The following SLC44A1 variants were observed in gnomAD, a reference collection of about 807,000 sequenced individuals.
SLC44A1 encodes the protein solute carrier family 44 member 1, also known as choline transporter-like protein 1.
Under a neutral mutation model 79.3 loss-of-function variants are expected in SLC44A1, and 26 were observed. That is an observed-to-expected ratio of 0.33 (90% confidence interval 0.24 to 0.46). The LOEUF is 0.46. SLC44A1 is among the 20% of genes least tolerant of loss of function. SLC44A1 has a pLI of 1.00. For synonymous variants in SLC44A1, 263 were observed against 286.2 expected (o/e 0.92, Z 0.82); for missense variants, 688 against 798.1 (o/e 0.86, Z 1.66).
chr9:105,259,464 A>T (rs1829791819), intron 1 of SLC44A1, among the ~76,000 whole-genome samples: 1 of 152,208 alleles, frequency 6.6e-6, no homozygotes, highest in Non-Finnish European at 1.5e-5. Context: ...AGCACAAATG[A>T]TTAGTGTGCA....
chr9:105,365,990 A>G (rs1411488946), intron 11 of SLC44A1, among the ~76,000 whole-genome samples: 1 of 152,126 alleles, frequency 6.6e-6, no homozygotes, highest in African/African-American at 2.4e-5. Flanking sequence ...GATTCCTCCC[A>G]TCTCCCAAAC....
intron 1 of SLC44A1, among the ~76,000 whole-genome samples, chr9:105,292,544 C>G (rs1046649400): frequency 6.6e-6 from 1 of 152,020 alleles, no homozygotes; most frequent in African/African-American, 2.4e-5. Context: ...CAATATTTCC[C>G]CATGATAACA....
At chr9:105,359,511 A>C (rs941206006) in intron 7 of SLC44A1, among the ~76,000 whole-genome samples, 9 of 152,230 alleles carry the variant, frequency 5.9e-5, no homozygotes, top group African/African-American at 2.2e-4. Context: ...GAATAGTGTT[A>C]TAATGATTAA....
In SLC44A1 at chr9:105,362,844, G is replaced by C; in HGVS notation, c.924G>C (p.Leu308Phe). The C allele has an allele frequency of 6.2e-7, 1 of 1,606,690 alleles. No individual in the cohort carries two copies. Among genetic ancestry groups the C allele is most frequent in the South Asian group, 1.1e-5 (1 of 89,232 alleles). Residue 308 changes from leucine (L) to phenylalanine (F), a missense_variant, in exon 9 of 16, where the codon TTG becomes TTC. Transcript: ENST00000374720. ...AGGTGATCTTATTCCTGATAATGTT[G>C]GTTATGCGCAAACGTGTTGCTCTTA... ...VFTVILFLIM[L>F]VMRKRVALTI...
intron 1 of SLC44A1, among the ~76,000 whole-genome samples, chr9:105,252,285 C>T (rs1210895493): frequency 4.6e-5 from 7 of 152,094 alleles, no homozygotes; most frequent in South Asian, 2.1e-4. Flanking sequence ...AGAGAGGGGC[C>T]GTGTTTGCTT....
chr9:105,310,148 T>C (rs1831139836), intron 3 of SLC44A1, among the ~76,000 whole-genome samples: 1 of 151,090 alleles, frequency 6.6e-6, no homozygotes, highest in Non-Finnish European at 1.5e-5. Context: ...ATTCTTTTAC[T>C]CTTTTTTTTT....
intron 5 of SLC44A1, among the ~76,000 whole-genome samples, chr9:105,354,101 A>C (rs1262695819): frequency 1.8e-5 from 2 of 114,198 alleles, no homozygotes; most frequent in African/African-American, 7.1e-5. Context: ...CCCAGGCTGG[A>C]GTGCAGTGGC....
At chr9:105,273,053 G>T (rs548776922) in intron 1 of SLC44A1, among the ~76,000 whole-genome samples, 1 of 151,420 alleles carries the variant, frequency 6.6e-6, no homozygotes, top group Admixed American at 6.6e-5. Context: ...ATGTAGTGGC[G>T]CGATCTTGGC....
intron 1 of SLC44A1, among the ~76,000 whole-genome samples, chr9:105,252,201 G>C (rs1449484290): frequency 1.3e-5 from 2 of 152,328 alleles, no homozygotes; most frequent in East Asian, 3.9e-4. Context: ...CTTATGGCCT[G>C]CAAGCATAAA....
Position 105,351,550 on chromosome 9 carries a change from A to AAGAAAGAGAGAAAGAGAGAAAGAG in SLC44A1, c.500+3125_500+3148dup, listed in dbSNP as rs56381786. ...CCTGTCTGAAAGAAAGAAAGAAAGA[A>AAGAAAGAGAGAAAGAGAGAAAGAG]AGAAAGAGAGAAAGAGAGAAAGAGA... On this transcript the variant is annotated intron_variant, in intron 5 of 15. Coordinates refer to ENST00000374720, the MANE Select transcript of SLC44A1 (RefSeq NM_080546.5). Among the ~76,000 whole-genome samples the AAGAAAGAGAGAAAGAGAGAAAGAG allele has an allele frequency of 1.3e-3, 132 of 100,286 alleles. 5 individuals are homozygous for AAGAAAGAGAGAAAGAGAGAAAGAG. Among genetic ancestry groups the AAGAAAGAGAGAAAGAGAGAAAGAG allele is most frequent in the South Asian group, 5.8e-3 (16 of 2,740 alleles). 65.8% of individuals were successfully genotyped at this position (100,286 alleles called of 152,430 possible). A position where few individuals can be genotyped will look rare whatever the true frequency, so the allele number is the denominator to read the frequency against.
chr9:105,275,024 A>C (rs944879330), intron 1 of SLC44A1, among the ~76,000 whole-genome samples: 5 of 152,164 alleles, frequency 3.3e-5, no homozygotes, highest in African/African-American at 1.2e-4. Context: ...TGAAGTTTAA[A>C]TTCTTAACAA....
At chr9:105,260,016 A>G (rs1436351283) in intron 1 of SLC44A1, among the ~76,000 whole-genome samples, 3 of 152,226 alleles carry the variant, frequency 2.0e-5, no homozygotes, top group Non-Finnish European at 4.4e-5. Context: ...CTAAGATATG[A>G]TAGATGGTGC....
chr9:105,396,719 G>A lies in SLC44A1; in HGVS notation c.*7663G>A. The A allele has an allele frequency of 1.0e-6, 1 of 977,276 alleles. No individual in the cohort carries two copies. Among genetic ancestry groups the A allele is most frequent in the Non-Finnish European group, 1.2e-6 (1 of 824,252 alleles). The allele number at this position is 977,276 out of a possible 1,614,324, so 60.5% of individuals were successfully genotyped here. A position where few individuals can be genotyped will look rare whatever the true frequency, so the allele number is the denominator to read the frequency against. The stretch of plus-strand genomic sequence containing the variant: ...ATATTTCTCAATCTGATGCCTTTTT[G>A]TCTTTTTTTTTTTTTGCCATTTGCA... On this transcript the variant is annotated 3_prime_UTR_variant, in exon 16 of 16. Transcript: ENST00000374720.
intron 5 of SLC44A1, among the ~76,000 whole-genome samples, chr9:105,354,675 G>A (rs1040762943): frequency 6.6e-6 from 1 of 152,174 alleles, no homozygotes; most frequent in African/African-American, 2.4e-5. Context: ...GCTAAAGCAA[G>A]ACTAAGGCAA....
intron 1 of SLC44A1, among the ~76,000 whole-genome samples, chr9:105,266,179 C>A (rs559257871): frequency 1.3e-5 from 2 of 152,184 alleles, no homozygotes; most frequent in South Asian, 4.2e-4. Context: ...TGTGCCCAGG[C>A]TGGTCTCAAA....
At position 105,392,964 on chromosome 9, in the gene SLC44A1, AAACAAC is replaced by A. The variant is rs371891288; in HGVS notation, c.*3917_*3922del. 5 of 963,182 alleles carry A rather than the reference AAACAAC, an allele frequency of 5.2e-6. No homozygotes were observed. Among genetic ancestry groups the A allele is most frequent in the African/African-American group, 3.5e-5 (2 of 57,096 alleles). 59.7% of individuals were successfully genotyped at this position (963,182 alleles called of 1,614,324 possible). ...CTTTTCTACTGCTACTTTAAAAAAA[AAACAAC>A]AACAACAAATAAAACTCTCAGAGTC... On this transcript the variant is annotated 3_prime_UTR_variant, in exon 16 of 16. Coordinates refer to ENST00000374720, the MANE Select transcript of SLC44A1 (RefSeq NM_080546.5).
At position 105,397,051 on chromosome 9, in the gene SLC44A1, A is replaced by G. The variant is rs1828890994; in HGVS notation, c.*7995A>G. 2.0e-6 allele frequency: 2 copies of G among 985,084 alleles called. No homozygotes were observed. Among genetic ancestry groups the G allele is most frequent in the Non-Finnish European group, 2.4e-6 (2 of 829,632 alleles). The allele number at this position is 985,084 out of a possible 1,614,324, so 61.0% of individuals were successfully genotyped here. ...CTCAGAGGACTTTAAAAATATGTAT[A>G]TTAAGCAATTAACTTTCTGGAGTTG... is the stretch of plus-strand genomic sequence containing the variant. On this transcript the variant is annotated 3_prime_UTR_variant, in exon 16 of 16. Transcript: ENST00000374720.
chr9:105,393,984 A>G lies in SLC44A1; in HGVS notation c.*4928A>G. 1 of 983,850 alleles carries G rather than the reference A, an allele frequency of 1.0e-6. No individual in the cohort carries two copies. Among genetic ancestry groups the G allele is most frequent in the South Asian group, 4.7e-5 (1 of 21,256 alleles). 60.9% of individuals were successfully genotyped at this position (983,850 alleles called of 1,614,324 possible). ...CTAAGACCTGAATTTAATATTTGAT[A>G]TTCAAAAACAAGTTATTTTGAAGAG... On this transcript the variant is annotated 3_prime_UTR_variant, in exon 16 of 16. Transcript: ENST00000374720.
chr9:105,344,681 C>T lies in SLC44A1; in HGVS notation c.407-3677C>T, dbSNP rs535710646. 2.6e-4 allele frequency among the ~76,000 whole-genome samples: 39 copies of T among 152,156 alleles called. No individual in the cohort carries two copies. The South Asian group carries it at 8.1e-3, about 32-fold the overall frequency. Reference sequence around the variant, plus strand: ...GATATCTGTTTTATTCAACAGAAGGCTTTGGATGACATCTATGTATCAGGA... The same window carrying T: ...GATATCTGTTTTATTCAACAGAAGGTTTTGGATGACATCTATGTATCAGGA... On this transcript the variant is annotated intron_variant, in intron 4 of 15. Transcript: ENST00000374720.
Sources: gnomAD v4.1 joint callset for allele counts (sites outside exome capture counted in the v4.1 genomes callset) on GRCh38, gnomAD v4.1.1 for gene constraint, MANE v1.5 for transcripts, NCBI Gene and HGNC (gene_info 2026-07-23, HGNC 2026-07-21) for gene names.